MTUS2: variants seen among roughly 807,000 people sequenced by gnomAD.
MTUS2 encodes microtubule-associated tumor suppressor candidate 2.
Under a neutral mutation model 114.1 loss-of-function variants are expected in MTUS2, and 40 were observed. The ratio of observed to expected loss-of-function variants is 0.35; its 90% CI spans 0.27 to 0.46. The LOEUF is 0.46. Ranked by LOEUF, MTUS2 falls within the 20% of genes least tolerant of loss-of-function variation. The pLI, the probability that MTUS2 is intolerant of heterozygous loss-of-function variation, is 1.00. For missense variants in MTUS2, 1,679 were observed against 1,705.4 expected (o/e 0.98, Z 0.27); for synonymous variants, 688 against 672.0 (o/e 1.02, Z -0.37).
intron 2 of MTUS2, among the ~76,000 whole-genome samples, chr13:29,004,382 T>C (rs1885514761): frequency 8.8e-6 from 1 of 113,918 alleles, no homozygotes; most frequent in Non-Finnish European, 1.8e-5. Context: ...CTATATAGTA[T>C]TATATATTCA....
chr13:29,005,007 G>A (rs1885543950), intron 2 of MTUS2, among the ~76,000 whole-genome samples: 1 of 152,140 alleles, frequency 6.6e-6, no homozygotes, highest in African/African-American at 2.4e-5. Context: ...TCTCTAGAGG[G>A]ACTTCACCAA....
chr13:29,084,729 G>C (rs957454799), intron 4 of MTUS2, among the ~76,000 whole-genome samples: 2 of 151,214 alleles, frequency 1.3e-5, no homozygotes, highest in Non-Finnish European at 2.9e-5. Flanking sequence ...GTAGAGGTGG[G>C]GTTTCACCAT....
At chr13:28,823,511 C>T (rs1232130620) in intron 1 of MTUS2, among the ~76,000 whole-genome samples, 1 of 152,150 alleles carries the variant, frequency 6.6e-6, no homozygotes, top group African/African-American at 2.4e-5. Flanking sequence ...ATCAATTACC[C>T]ATCCATCAGT....
At chr13:29,432,008 CTATTTT>C (rs1877027560) in intron 8 of MTUS2, among the ~76,000 whole-genome samples, 1 of 119,142 alleles carries the variant, frequency 8.4e-6, no homozygotes, top group Non-Finnish European at 1.7e-5. Context: ...CCACGCTCAG[CTATTTT>C]TTTTTTTTTT....
intron 4 of MTUS2, among the ~76,000 whole-genome samples, chr13:29,042,885 C>T (rs1428285007): frequency 6.6e-6 from 1 of 151,952 alleles, no homozygotes; most frequent in Non-Finnish European, 1.5e-5. Flanking sequence ...TGCTAATGGT[C>T]TATCAATTTT....
chr13:28,983,508 A>G (rs1884449352), intron 2 of MTUS2, among the ~76,000 whole-genome samples: 1 of 152,234 alleles, frequency 6.6e-6, no homozygotes, highest in Non-Finnish European at 1.5e-5. Flanking sequence ...AGTATGTTGA[A>G]ATAACATTGG....
intron 2 of MTUS2, among the ~76,000 whole-genome samples, chr13:28,859,328 C>A (rs1876830138): frequency 6.6e-6 from 1 of 152,168 alleles, no homozygotes; most frequent in Non-Finnish European, 1.5e-5. Flanking sequence ...CCATAGTGGG[C>A]AGGCATGGCT....
chr13:28,887,306 C>A (rs1878648359), intron 2 of MTUS2, among the ~76,000 whole-genome samples: 2 of 152,130 alleles, frequency 1.3e-5, no homozygotes, highest in African/African-American at 4.8e-5. Context: ...TGCTGTCTTC[C>A]AGATACCCTC....
At position 29,105,065 on chromosome 13, in the gene MTUS2, A is replaced by G. The variant is rs1890597202; in HGVS notation, c.2644+4095A>G. On this transcript the variant is annotated intron_variant, in intron 5 of 15. Transcript: ENST00000612955. ...CAAAATTATTTTGAACACTGACACG[A>G]TGCCCATGGGAAATAGTCACTGGAG... Among the ~76,000 whole-genome samples the G allele has an allele frequency of 2.0e-5, 3 of 152,216 alleles. No individual in the cohort carries two copies. The South Asian group carries it at 6.2e-4, about 32-fold the overall frequency.
At chr13:29,128,762 C>T (rs961205221) in intron 5 of MTUS2, among the ~76,000 whole-genome samples, 3 of 152,062 alleles carry the variant, frequency 2.0e-5, no homozygotes, top group Non-Finnish European at 2.9e-5. Flanking sequence ...AAAAAAAATG[C>T]CAGGTTGCCT....
At chr13:28,905,343 G>C (rs1879926672) in intron 2 of MTUS2, among the ~76,000 whole-genome samples, 1 of 151,556 alleles carries the variant, frequency 6.6e-6, no homozygotes, top group African/African-American at 2.4e-5. Context: ...TCTTTTCGAA[G>C]GGAATGCTTC....
At chr13:29,206,181 A>G (rs531504850) in intron 5 of MTUS2, among the ~76,000 whole-genome samples, 2 of 152,232 alleles carry the variant, frequency 1.3e-5, no homozygotes, top group Admixed American at 6.5e-5. Context: ...ACATTTTTGC[A>G]TATGTTTGTT....
At chr13:28,820,255 G>C (rs1167773319), upstream of MTUS2, 3 of 147,314 alleles carry the variant, frequency 2.0e-5, no homozygotes, top group Admixed American at 6.7e-5. Flanking sequence ...CCTCGAGCGG[G>C]GGCGGCGGCC....
At chr13:29,267,471 A>T (rs1436891515) in intron 5 of MTUS2, among the ~76,000 whole-genome samples, 1 of 152,328 alleles carries the variant, frequency 6.6e-6, no homozygotes, top group African/African-American at 2.4e-5. Context: ...AATGTAAGTT[A>T]TGTGAAGACA....
At chr13:29,502,744 TGCCTCCCCTGACCGGGCAGAGG>T (rs1489178947) in intron 15 of MTUS2, among the ~76,000 whole-genome samples, 1 of 152,250 alleles carries the variant, frequency 6.6e-6, no homozygotes, top group Non-Finnish European at 1.5e-5. Context: ...GGACAGCCAG[TGCCTCCCCTGACCGGGCAGAGG>T]GCCTGTGGGA....
chr13:29,026,181 G>C lies in MTUS2; in HGVS notation c.1483G>C (p.Glu495Gln). The C allele has an allele frequency of 6.2e-7, 1 of 1,613,984 alleles. No homozygotes were observed. Among genetic ancestry groups the C allele is most frequent in the Non-Finnish European group, 8.5e-7 (1 of 1,179,890 alleles). The change falls in exon 3 of 16, where the codon GAA becomes CAA. Residue 495 changes from glutamate to glutamine, a missense_variant. By Grantham distance (29) the Glu-to-Gln change is conservative. Transcript: ENST00000612955. Reference sequence around the variant, plus strand: ...CCTGGACCCTCAAAGTGGCCGCTCAGAAGCACGGGAAAGCAAAGAGGTCAC... The same window carrying C: ...CCTGGACCCTCAAAGTGGCCGCTCACAAGCACGGGAAAGCAAAGAGGTCAC... ...EPLDPQSGRSEARESKEVTTS... is the reference protein window; with the variant it reads ...EPLDPQSGRSQARESKEVTTS...
chr13:28,966,324 T>C (rs555440406), intron 2 of MTUS2, among the ~76,000 whole-genome samples: 1 of 152,362 alleles, frequency 6.6e-6, no homozygotes, highest in East Asian at 1.9e-4. Context: ...AGAGACTTGT[T>C]TAAAGATATT....
intron 2 of MTUS2, among the ~76,000 whole-genome samples, chr13:28,985,132 A>C (rs1413727566): frequency 6.6e-6 from 1 of 152,220 alleles, no homozygotes; most frequent in Non-Finnish European, 1.5e-5. Flanking sequence ...TATTTTTGCC[A>C]ACAACCTGAG....
intron 8 of MTUS2, among the ~76,000 whole-genome samples, chr13:29,383,248 G>T (rs867342528): frequency 0.27 from 16,938 of 62,592 alleles, 1,174 homozygotes; most frequent in South Asian, 0.38. Flanking sequence ...GTGTGTGTGT[G>T]TGTGTATTTA....
Sources: gnomAD v4.1 joint callset for allele counts (sites outside exome capture counted in the v4.1 genomes callset) on GRCh38, gnomAD v4.1.1 for gene constraint, MANE v1.5 for transcripts, NCBI Gene and HGNC (gene_info 2026-07-23, HGNC 2026-07-21) for gene names.